ITGA9: variants seen among roughly 807,000 people sequenced by gnomAD.
The protein encoded by ITGA9 is integrin subunit alpha 9, also known as integrin alpha-9.
In ITGA9, 56 loss-of-function variants were observed where a neutral mutation model predicts 127.8. The ratio of observed to expected loss-of-function variants is 0.44; its 90% CI spans 0.35 to 0.55. The LOEUF is 0.55. Ranked by LOEUF, ITGA9 falls within the 20% of genes least tolerant of loss-of-function variation. The pLI, the probability that ITGA9 is intolerant of heterozygous loss-of-function variation, is 0.00. For missense variants in ITGA9, 1,196 were observed against 1,347.1 expected (o/e 0.89, Z 1.76); for synonymous variants, 508 against 514.5 (o/e 0.99, Z 0.17).
chr3:37,674,135 T>C (rs928250058), intron 17 of ITGA9, among the ~76,000 whole-genome samples: 6 of 152,238 alleles, frequency 3.9e-5, no homozygotes, highest in African/African-American at 1.4e-4. Context: ...TGGGCTTTTA[T>C]ATTATTTGGC....
intron 15 of ITGA9, among the ~76,000 whole-genome samples, chr3:37,543,942 C>T (rs554150190): frequency 1.3e-5 from 2 of 152,226 alleles, no homozygotes; most frequent in African/African-American, 2.4e-5. Flanking sequence ...CATACAGCCC[C>T]GCCCCGTCAG....
chr3:37,646,951 A>G (rs1276947635), intron 16 of ITGA9, among the ~76,000 whole-genome samples: 1 of 151,822 alleles, frequency 6.6e-6, no homozygotes, highest in Non-Finnish European at 1.5e-5. Context: ...TAGTATTCCA[A>G]GGCTTTAGTC....
rs74785336 is a variant in ITGA9 at position 37,805,438 on chromosome 3, G to A, written c.3009+1496G>A. ...CATCTTTCCATATTGTTCAAAGCACGTTTCCAGCACATCTTAAAGCTGTAG... is the reference window on the plus strand; with the variant it reads ...CATCTTTCCATATTGTTCAAAGCACATTTCCAGCACATCTTAAAGCTGTAG... On this transcript the variant is annotated intron_variant, in intron 27 of 27. Transcript: ENST00000264741. Among the ~76,000 whole-genome samples, 1,107 of 152,176 alleles carry A rather than the reference G, an allele frequency of 7.3e-3. 6 individuals are homozygous for A. Among genetic ancestry groups the A allele is most frequent in the South Asian group, 0.013 (61 of 4,824 alleles).
At chr3:37,694,305 G>T (rs1158059641) in intron 18 of ITGA9, among the ~76,000 whole-genome samples, 1 of 152,194 alleles carries the variant, frequency 6.6e-6, no homozygotes, top group Non-Finnish European at 1.5e-5. Flanking sequence ...AGAGAAGGTG[G>T]CGGGGAGCAG....
chr3:37,633,034 A>C (rs1051700531), intron 16 of ITGA9, among the ~76,000 whole-genome samples: 8 of 152,190 alleles, frequency 5.3e-5, no homozygotes, highest in Admixed American at 4.6e-4. Context: ...GATACAAGAA[A>C]CTCTGGAACT....
intron 15 of ITGA9, among the ~76,000 whole-genome samples, chr3:37,605,161 G>A (rs1309397963): frequency 6.6e-6 from 1 of 152,126 alleles, no homozygotes; most frequent in Non-Finnish European, 1.5e-5. Flanking sequence ...AGAGGGAACA[G>A]CAAATGCCCA....
At position 37,753,033 on chromosome 3, in the gene ITGA9, C is replaced by T. The variant is rs149345181; in HGVS notation, c.2541+2464C>T. Among the ~76,000 whole-genome samples, 20 of 152,228 alleles carry T rather than the reference C, an allele frequency of 1.3e-4. No individual in the cohort carries two copies. In the East Asian group the frequency reaches 3.1e-3, roughly 24 times the overall value. ...ATCAATTTTCACTGCTTCCCACCCA[C>T]GGGGGTTGTGTGGACCCTACTCTGA... On this transcript the variant is annotated intron_variant, in intron 23 of 27. Coordinates refer to ENST00000264741, the MANE Select transcript of ITGA9 (RefSeq NM_002207.3).
rs565907418 is a variant in ITGA9, at chr3:37,460,397, A to G, written c.185+7838A>G. 2.0e-5 allele frequency among the ~76,000 whole-genome samples: 3 copies of G among 152,370 alleles called. No homozygotes were observed. The South Asian group carries it at 6.2e-4, about 32-fold the overall frequency. On this transcript the variant is annotated intron_variant, in intron 1 of 27. Coordinates refer to ENST00000264741, the MANE Select transcript of ITGA9 (RefSeq NM_002207.3). ...GTATTTGATAGCACAACAAAATGAC[A>G]ATAGTCAACAATAATTTGATTGTAG...
intron 18 of ITGA9, among the ~76,000 whole-genome samples, chr3:37,715,254 A>G (rs1239570250): frequency 6.6e-6 from 1 of 152,174 alleles, no homozygotes; most frequent in Admixed American, 6.5e-5. Flanking sequence ...AACCATTACC[A>G]TGGTGGCAGC....
At chr3:37,496,555 C>T (rs899073952) in intron 5 of ITGA9, among the ~76,000 whole-genome samples, 20 of 152,168 alleles carry the variant, frequency 1.3e-4, no homozygotes, top group East Asian at 7.7e-4. Context: ...ATCCTTCTGC[C>T]GTCTTGCTTC....
At chr3:37,562,536 G>A (rs555273673) in intron 15 of ITGA9, among the ~76,000 whole-genome samples, 55 of 152,284 alleles carry the variant, frequency 3.6e-4, no homozygotes, top group African/African-American at 1.2e-3. Flanking sequence ...CCTCATCAGC[G>A]ACAGTGGTAG....
chr3:37,470,938 A>G, intron 1 of ITGA9, 69 bp from the exon 2 acceptor site: 1 of 1,561,274 alleles, frequency 6.4e-7, no homozygotes, highest in South Asian at 1.1e-5. Flanking sequence ...GGTTGGGTGA[A>G]TACTTAGCCA....
At chr3:37,798,841 C>T (rs1451803716) in intron 26 of ITGA9, among the ~76,000 whole-genome samples, 2 of 152,118 alleles carry the variant, frequency 1.3e-5, no homozygotes, top group Non-Finnish European at 2.9e-5. Context: ...CTGACTTCCT[C>T]AATAATAAAT....
At chr3:37,699,686 C>T (rs1477957881) in intron 18 of ITGA9, among the ~76,000 whole-genome samples, 1 of 152,186 alleles carries the variant, frequency 6.6e-6, no homozygotes, top group African/African-American at 2.4e-5. Context: ...TTTTATAATA[C>T]CTCTAAGGCC....
chr3:37,533,271 G>T lies in ITGA9; in HGVS notation c.1374-43G>T. On this transcript the variant is annotated intron_variant, in intron 13 of 27. Transcript: ENST00000264741. Reference sequence around the variant, plus strand: ...TAGTTCTTGTTTGGTTCTGAGAGCTGCTCCTTACCACGACTAAGTCACCTT... The same window carrying T: ...TAGTTCTTGTTTGGTTCTGAGAGCTTCTCCTTACCACGACTAAGTCACCTT... The T allele has an allele frequency of 1.9e-6, 3 of 1,598,942 alleles. No individual in the cohort carries two copies. In the Middle Eastern group the frequency reaches 5.0e-4, roughly 265 times the overall value.
intron 21 of ITGA9, among the ~76,000 whole-genome samples, chr3:37,742,229 C>G (rs1008888639): frequency 6.6e-6 from 1 of 152,194 alleles, no homozygotes; most frequent in Admixed American, 6.5e-5. Flanking sequence ...GATGTGTCTC[C>G]AGTCCTGGCT....
chr3:37,587,713 G>T (rs1370861410), intron 15 of ITGA9, among the ~76,000 whole-genome samples: 1 of 152,226 alleles, frequency 6.6e-6, no homozygotes, highest in African/African-American at 2.4e-5. Context: ...AACCTACTAT[G>T]TGTTGAGCAG....
At chr3:37,676,840 T>A (rs1700687163) in intron 17 of ITGA9, among the ~76,000 whole-genome samples, 1 of 152,206 alleles carries the variant, frequency 6.6e-6, no homozygotes, top group African/African-American at 2.4e-5. Context: ...GTCCTTCTCC[T>A]GCCCCTTTCC....
chr3:37,617,894 G>T (rs773038953), intron 15 of ITGA9, among the ~76,000 whole-genome samples: 2 of 152,028 alleles, frequency 1.3e-5, no homozygotes, highest in Non-Finnish European at 2.9e-5. Flanking sequence ...TAACTTCTTT[G>T]CCATGGGTTC....
Sources: gnomAD v4.1 joint callset for allele counts (sites outside exome capture counted in the v4.1 genomes callset) on GRCh38, gnomAD v4.1.1 for gene constraint, MANE v1.5 for transcripts, NCBI Gene and HGNC (gene_info 2026-07-23, HGNC 2026-07-21) for gene names.